EYS: variants seen among roughly 807,000 people sequenced by gnomAD.
EYS encodes the protein protein eyes shut homolog.
Under a neutral mutation model 282.1 loss-of-function variants are expected in EYS, and 250 were observed. The observed-to-expected ratio is 0.89, with a 90% CI of 0.80 to 0.98. EYS has a LOEUF of 0.98. Among genes scored for constraint, EYS ranks in the 50% least tolerant of loss-of-function variants. EYS has a pLI of 0.00. For synonymous variants in EYS, 1,355 were observed against 1,282.9 expected (o/e 1.06, Z -1.20); for missense variants, 4,016 against 3,709.0 (o/e 1.08, Z -2.15).
At chr6:64,126,966 G>T (rs1020385786) in intron 31 of EYS, among the ~76,000 whole-genome samples, 4 of 152,018 alleles carry the variant, frequency 2.6e-5, no homozygotes, top group Non-Finnish European at 4.4e-5. Context: ...TCTGTAGCAT[G>T]GTTATGGGTT....
intron 22 of EYS, among the ~76,000 whole-genome samples, chr6:64,656,829 A>G (rs538000471): frequency 1.8e-4 from 27 of 152,322 alleles, no homozygotes; most frequent in African/African-American, 3.8e-4. Flanking sequence ...GCTCATAAAT[A>G]AATACACAGT....
intron 29 of EYS, among the ~76,000 whole-genome samples, chr6:64,383,544 C>G (rs1188828708): frequency 6.6e-6 from 1 of 152,150 alleles, no homozygotes; most frequent in Non-Finnish European, 1.5e-5. Flanking sequence ...CACATAACTT[C>G]TAGAAGGAGC....
intron 12 of EYS, among the ~76,000 whole-genome samples, chr6:65,246,573 A>C (rs1011965677): frequency 6.6e-6 from 1 of 152,070 alleles, no homozygotes; most frequent in African/African-American, 2.4e-5. Context: ...CTGGGAAAAG[A>C]GCCCCCCATA....
At position 64,475,569 on chromosome 6, in the gene EYS, A is replaced by G. The variant is rs1388748349; in HGVS notation, c.5645-36217T>C. ...CCGTCTCAAAAAAAAAAAAAAAAAA[A>G]AAAAGAAAAGAAAAAATACCAAATA... On this transcript the variant is annotated intron_variant, in intron 26 of 42. Transcript: ENST00000503581. 1.1e-3 allele frequency among the ~76,000 whole-genome samples: 77 copies of G among 70,956 alleles called. 4 individuals carry two copies. The highest frequency in any genetic ancestry group is 2.7e-3 in the African/African-American group (63 of 23,614). The allele number at this position is 70,956 out of a possible 152,430, so 46.5% of individuals were successfully genotyped here.
intron 31 of EYS, among the ~76,000 whole-genome samples, chr6:64,162,440 C>A (rs950421402): frequency 7.9e-5 from 12 of 152,080 alleles, no homozygotes; most frequent in African/African-American, 2.9e-4. Flanking sequence ...GTTTCTCCAT[C>A]AAGGCTCACC....
intron 22 of EYS, among the ~76,000 whole-genome samples, chr6:64,718,771 C>T (rs981482482): frequency 1.1e-4 from 17 of 152,060 alleles, no homozygotes; most frequent in Admixed American, 8.5e-4. Context: ...ATACGTGTGG[C>T]GCATTTAGTA....
At chr6:64,053,746 G>T (rs968956121) in intron 33 of EYS, among the ~76,000 whole-genome samples, 10 of 152,074 alleles carry the variant, frequency 6.6e-5, no homozygotes, top group African/African-American at 2.4e-4. Flanking sequence ...TTTTCTTTAA[G>T]AAAAAACTTA....
intron 18 of EYS, among the ~76,000 whole-genome samples, chr6:64,889,123 G>C (rs921288693): frequency 1.3e-5 from 2 of 151,722 alleles, no homozygotes; most frequent in Non-Finnish European, 2.9e-5. Context: ...ACCACCAATT[G>C]TTTCAATTTT....
At chr6:65,656,665 G>A (rs1383714247) in intron 1 of EYS, among the ~76,000 whole-genome samples, 2 of 151,890 alleles carry the variant, frequency 1.3e-5, no homozygotes, top group Non-Finnish European at 2.9e-5. Context: ...GTTTGTTCAT[G>A]AGGTTTACAG....
chr6:64,229,746 C>G, intron 31 of EYS, among the ~76,000 whole-genome samples: 1 of 152,128 alleles, frequency 6.6e-6, no homozygotes, highest in South Asian at 2.1e-4. Flanking sequence ...CATGCACATA[C>G]ATACACATAC....
chr6:64,421,582 G>C (rs1229503538), intron 28 of EYS, among the ~76,000 whole-genome samples: 1 of 152,084 alleles, frequency 6.6e-6, no homozygotes, highest in Non-Finnish European at 1.5e-5. Flanking sequence ...AGGCTGACAA[G>C]TAACAATTTA....
At chr6:65,405,078 C>T (rs946186780) in intron 6 of EYS, 96 bp downstream of exon 6, 13 of 855,846 alleles carry the variant, frequency 1.5e-5, no homozygotes, top group Non-Finnish European at 2.3e-5. Flanking sequence ...ATTAAACTAC[C>T]TTAATAAGGA....
At chr6:64,708,007 A>G (rs1205042508) in intron 22 of EYS, among the ~76,000 whole-genome samples, 1 of 152,080 alleles carries the variant, frequency 6.6e-6, no homozygotes, top group African/African-American at 2.4e-5. Flanking sequence ...AAATAGAAAT[A>G]TACAGCACAA....
At chr6:64,336,532 C>T (rs1369677907) in intron 29 of EYS, among the ~76,000 whole-genome samples, 1 of 152,026 alleles carries the variant, frequency 6.6e-6, no homozygotes, top group African/African-American at 2.4e-5. Context: ...TTGTGGGGGA[C>T]TTAAATACTC....
intron 36 of EYS, among the ~76,000 whole-genome samples, chr6:63,824,882 T>C (rs905535551): frequency 2.0e-5 from 3 of 152,128 alleles, no homozygotes; most frequent in Non-Finnish European, 4.4e-5. Flanking sequence ...TTGTAACAAC[T>C]TGAACCAGGC....
intron 2 of EYS, among the ~76,000 whole-genome samples, chr6:65,586,222 G>T (rs1390601927): frequency 1.3e-5 from 2 of 151,942 alleles, no homozygotes; most frequent in African/African-American, 4.8e-5. Context: ...TTTCAGAAGA[G>T]GCTTTTAACT....
intron 14 of EYS, among the ~76,000 whole-genome samples, chr6:64,984,256 C>T (rs942511233): frequency 6.6e-6 from 1 of 151,172 alleles, no homozygotes; most frequent in Admixed American, 6.6e-5. Context: ...AGAGATGACC[C>T]CATTACAGAC....
intron 9 of EYS, among the ~76,000 whole-genome samples, chr6:65,347,756 A>G (rs1023219967): frequency 1.3e-5 from 2 of 151,670 alleles, no homozygotes; most frequent in African/African-American, 4.8e-5. Flanking sequence ...TTAATTACTT[A>G]AAAATGTACA....
chr6:64,451,523 A>T (rs7454368), intron 26 of EYS, among the ~76,000 whole-genome samples: 42,080 of 151,956 alleles, frequency 0.28, 5,954 homozygotes, highest in East Asian at 0.46. Context: ...GCCAGCATCA[A>T]CCTGATACCA....
Sources: gnomAD v4.1 joint callset for allele counts (sites outside exome capture counted in the v4.1 genomes callset) on GRCh38, gnomAD v4.1.1 for gene constraint, MANE v1.5 for transcripts, NCBI Gene and HGNC (gene_info 2026-07-23, HGNC 2026-07-21) for gene names.